The following ACAP2 variants were observed in gnomAD, a reference collection of about 807,000 sequenced individuals.
ACAP2 encodes the protein arf-GAP with coiled-coil, ANK repeat and PH domain-containing protein 2.
In ACAP2, 39 loss-of-function variants were observed where a neutral mutation model predicts 115.8. The observed-to-expected ratio is 0.34, with a 90% CI of 0.26 to 0.44. The LOEUF is 0.44. ACAP2 is among the 20% of genes least tolerant of loss of function. The pLI is 1.00. For synonymous variants in ACAP2, 289 were observed against 315.8 expected (o/e 0.92, Z 0.90); for missense variants, 662 against 927.6 (o/e 0.71, Z 3.72).
At chr3:195,294,094 G>A (rs1333523903) in intron 18 of ACAP2, among the ~76,000 whole-genome samples, 2 of 151,796 alleles carry the variant, frequency 1.3e-5, no homozygotes, top group Non-Finnish European at 2.9e-5. Flanking sequence ...AGCGAAGATC[G>A]CACCACTGTA....
chr3:195,330,438 A>G (rs1220752492), intron 8 of ACAP2, among the ~76,000 whole-genome samples: 2 of 152,238 alleles, frequency 1.3e-5, no homozygotes, highest in African/African-American at 4.8e-5. Context: ...TAAAATGATT[A>G]AATGTTTTAA....
intron 7 of ACAP2, chr3:195,335,917 T>G (rs1424083748): frequency 8.7e-6 from 1 of 114,814 alleles, no homozygotes; most frequent in Non-Finnish European, 1.8e-5. Context: ...TTTTTTTTTT[T>G]GAGACAGAGT....
At chr3:195,403,511 A>ATATC (rs1236029764) in intron 1 of ACAP2, among the ~76,000 whole-genome samples, 3 of 152,240 alleles carry the variant, frequency 2.0e-5, no homozygotes, top group Non-Finnish European at 4.4e-5. Context: ...AAAGATGAAG[A>ATATC]TGGCTCAAGG....
chr3:195,334,924 T>C (rs1211531110), intron 7 of ACAP2, among the ~76,000 whole-genome samples: 1 of 152,178 alleles, frequency 6.6e-6, no homozygotes, highest in Non-Finnish European at 1.5e-5. Flanking sequence ...AGGAAATTAT[T>C]TGAATATTCA....
chr3:195,301,597 G>A lies in ACAP2; in HGVS notation c.1373C>T (p.Thr458Ile), dbSNP rs146660675. Residue 458 changes from threonine (T) to isoleucine (I), a missense_variant, in exon 15 of 23, where the codon ACC becomes ATC. Physicochemically the swap from Thr to Ile is moderately conservative, Grantham distance 89. Transcript: ENST00000326793. Reference sequence around the variant, plus strand: ...TACCTTTAAAAGTTCTGGCTCCCAGGTGTCTAAAGTTAAAGATCGTACTTT... The same window carrying A: ...TACCTTTAAAAGTTCTGGCTCCCAGATGTCTAAAGTTAAAGATCGTACTTT... ...FSKVRSLTLDTWEPELLKLMC... is the reference protein window; with the variant it reads ...FSKVRSLTLDIWEPELLKLMC... 1 of 1,612,860 alleles carries A rather than the reference G, an allele frequency of 6.2e-7. No individual in the cohort carries two copies. Among genetic ancestry groups the A allele is most frequent in the East Asian group, 2.2e-5 (1 of 44,864 alleles).
At chr3:195,297,887 C>A (rs1727757438) in intron 15 of ACAP2, among the ~76,000 whole-genome samples, 1 of 152,132 alleles carries the variant, frequency 6.6e-6, no homozygotes, top group East Asian at 1.9e-4. Flanking sequence ...CTCTTTAATT[C>A]TGTTCAAGCT....
intron 17 of ACAP2, chr3:195,295,173 T>C: frequency 8.1e-7 from 1 of 1,240,216 alleles, no homozygotes; most frequent in South Asian, 1.3e-5. Context: ...AGACTTGGAA[T>C]GCTCCACAAG....
intron 9 of ACAP2, chr3:195,325,448 A>C: frequency 2.6e-6 from 1 of 391,200 alleles, no homozygotes; most frequent in South Asian, 1.8e-5. Flanking sequence ...TTTTACCTGT[A>C]ACGCAGCCTT....
intron 22 of ACAP2, among the ~76,000 whole-genome samples, chr3:195,283,504 T>C (rs1726642252): frequency 6.6e-6 from 1 of 152,192 alleles, no homozygotes. Context: ...AGGTTTTCAT[T>C]CTATTGCTAA....
At chr3:195,353,604 G>A (rs773381927) in intron 4 of ACAP2, among the ~76,000 whole-genome samples, 8 of 152,200 alleles carry the variant, frequency 5.3e-5, no homozygotes, top group Non-Finnish European at 1.2e-4. Context: ...GAAGAAGGGA[G>A]AGAAACAGAA....
intron 4 of ACAP2, among the ~76,000 whole-genome samples, chr3:195,359,198 C>G (rs1459051915): frequency 1.3e-5 from 2 of 152,066 alleles, no homozygotes. Context: ...GTTCTTCACT[C>G]GGAAAGAAAA....
At chr3:195,282,558 TAATA>T (rs1380663998) in intron 22 of ACAP2, 1 of 152,240 alleles carries the variant, frequency 6.6e-6, no homozygotes, top group Non-Finnish European at 1.5e-5. Flanking sequence ...TGTGATTTTT[TAATA>T]TTTAAATATA....
At position 195,313,403 on chromosome 3, in the gene ACAP2, A is replaced by G. The variant is rs571165402; in HGVS notation, c.858-4566T>C. Among the ~76,000 whole-genome samples, 16 of 152,356 alleles carry G rather than the reference A, an allele frequency of 1.1e-4. No homozygotes were observed. The South Asian group carries it at 1.4e-3, about 14-fold the overall frequency. ...AACAATCACTGTAGGAATTGCCTGT[A>G]TAAACCTGAGATAAATGAAAAGTCT... On this transcript the variant is annotated intron_variant, in intron 10 of 22. Transcript: ENST00000326793.
chr3:195,362,289 C>G (rs964602879), intron 4 of ACAP2, among the ~76,000 whole-genome samples: 1 of 148,370 alleles, frequency 6.7e-6, no homozygotes, highest in East Asian at 2.0e-4. Flanking sequence ...GCACTCTAGC[C>G]TGGGCAACAA....
At chr3:195,374,089 CT>C (rs1733354192) in intron 4 of ACAP2, among the ~76,000 whole-genome samples, 1 of 151,998 alleles carries the variant, frequency 6.6e-6, no homozygotes, top group Non-Finnish European at 1.5e-5. Context: ...TGCAGAAAGG[CT>C]TCATTATTTT....
chr3:195,315,954 T>C (rs1340439014), intron 10 of ACAP2, among the ~76,000 whole-genome samples: 1 of 152,234 alleles, frequency 6.6e-6, no homozygotes, highest in Non-Finnish European at 1.5e-5. Context: ...AATATTCTAC[T>C]AACACTTACT....
intron 1 of ACAP2, among the ~76,000 whole-genome samples, chr3:195,392,755 C>G (rs1252857087): frequency 3.3e-5 from 5 of 152,108 alleles, no homozygotes. Context: ...ATTATAATAA[C>G]AGTTAGCACT....
rs540543076 is a variant in ACAP2 at position 195,413,728 on chromosome 3, A to C, written c.54-21581T>G. On this transcript the variant is annotated intron_variant, in intron 1 of 22. Transcript: ENST00000326793. ...CGCACCACTGCACTCCAGCCTGGGC[A>C]ACAGAGTGAGGCTCTCTGTCTCTCA... 7.6e-4 allele frequency among the ~76,000 whole-genome samples: 116 copies of C among 152,258 alleles called. 2 individuals are homozygous for C. In the South Asian group the frequency reaches 0.023, roughly 30 times the overall value.
chr3:195,321,795 T>G (rs762482259), intron 9 of ACAP2, among the ~76,000 whole-genome samples: 8 of 151,818 alleles, frequency 5.3e-5, no homozygotes, highest in African/African-American at 1.9e-4. Flanking sequence ...GTATTTTTAG[T>G]AGAGACAGGA....
Sources: gnomAD v4.1 joint callset for allele counts (sites outside exome capture counted in the v4.1 genomes callset) on GRCh38, gnomAD v4.1.1 for gene constraint, MANE v1.5 for transcripts, NCBI Gene and HGNC (gene_info 2026-07-23, HGNC 2026-07-21) for gene names.